KANK1: variants seen among roughly 807,000 people sequenced by gnomAD.
The protein encoded by KANK1 is KN motif and ankyrin repeat domain-containing protein 1.
A neutral mutation model predicts 106.2 loss-of-function variants in KANK1; 109 were observed. That is an observed-to-expected ratio of 1.03 (90% CI 0.88 to 1.20). The LOEUF (loss-of-function observed/expected upper bound fraction) is 1.20. KANK1 is among the 50% of genes most tolerant of loss of function. The pLI is 0.00. For missense variants in KANK1, 2,399 were observed against 1,710.7 expected (o/e 1.40, Z -7.10); for synonymous variants, 873 against 652.2 (o/e 1.34, Z -5.16).
At chr9:540,143 C>T (rs1413293383) in intron 1 of KANK1, among the ~76,000 whole-genome samples, 1 of 152,180 alleles carries the variant, frequency 6.6e-6, no homozygotes, top group African/African-American at 2.4e-5. Context: ...CAGCTTTTTA[C>T]CACTGAGTAT....
At chr9:518,436 C>T (rs2059393649) in intron 1 of KANK1, among the ~76,000 whole-genome samples, 1 of 150,508 alleles carries the variant, frequency 6.6e-6, no homozygotes, top group Non-Finnish European at 1.5e-5. Context: ...TTCTTCCTGG[C>T]TTTTTACCTA....
At chr9:633,390 G>A (rs140749044) in intron 1 of KANK1, among the ~76,000 whole-genome samples, 2 of 151,758 alleles carry the variant, frequency 1.3e-5, no homozygotes, top group Non-Finnish European at 1.5e-5. Flanking sequence ...CCCGGGAGGC[G>A]GAGGTTGCAG....
At chr9:720,295 G>T (rs1457468364) in intron 3 of KANK1, among the ~76,000 whole-genome samples, 1 of 152,210 alleles carries the variant, frequency 6.6e-6, no homozygotes, top group Non-Finnish European at 1.5e-5. Flanking sequence ...TGAGCATCTA[G>T]ACCAGAGTGC....
At chr9:670,727 G>GT (rs1845683800) in intron 1 of KANK1, among the ~76,000 whole-genome samples, 1 of 152,178 alleles carries the variant, frequency 6.6e-6, no homozygotes, top group Admixed American at 6.5e-5. Context: ...CCACAGGGTG[G>GT]TATCTCCCTT....
At chr9:707,288 C>G in intron 2 of KANK1, 1 of 956,522 alleles carries the variant, frequency 1.0e-6, no homozygotes, top group Non-Finnish European at 1.2e-6. Context: ...CACCGCTGGC[C>G]GAATTCCGGG....
intron 1 of KANK1, among the ~76,000 whole-genome samples, chr9:575,146 A>T (rs1820208812): frequency 6.6e-6 from 1 of 152,262 alleles, no homozygotes; most frequent in Admixed American, 6.5e-5. Flanking sequence ...CAATTAAAGC[A>T]GTGAACAATA....
chr9:535,691 G>A (rs2060266369), intron 1 of KANK1, among the ~76,000 whole-genome samples: 1 of 152,230 alleles, frequency 6.6e-6, no homozygotes, highest in African/African-American at 2.4e-5. Context: ...CTTGCTTGGT[G>A]CACAGTAGGC....
intron 2 of KANK1, among the ~76,000 whole-genome samples, chr9:701,739 A>G (rs1438357948): frequency 6.6e-6 from 1 of 152,210 alleles, no homozygotes; most frequent in Non-Finnish European, 1.5e-5. Flanking sequence ...CACTGCAAGC[A>G]GGTTAGTACT....
At chr9:670,946 G>T in intron 1 of KANK1, among the ~76,000 whole-genome samples, 1 of 124,062 alleles carries the variant, frequency 8.1e-6, no homozygotes, top group African/African-American at 3.1e-5. Flanking sequence ...ACTGTCTGCT[G>T]GAGTTTTTTT....
At chr9:555,713 G>T (rs1366311390) in intron 1 of KANK1, among the ~76,000 whole-genome samples, 4 of 152,152 alleles carry the variant, frequency 2.6e-5, no homozygotes, top group Non-Finnish European at 5.9e-5. Context: ...GATGTGTCCA[G>T]ACTTGTACTG....
intron 7 of KANK1, among the ~76,000 whole-genome samples, chr9:736,732 T>G (rs1833903401): frequency 6.6e-6 from 1 of 151,852 alleles, no homozygotes; most frequent in Non-Finnish European, 1.5e-5. Flanking sequence ...AGGGGAAACA[T>G]AGAACTACAT....
Position 476,246 on chromosome 9 carries a change from C to T in KANK1, c.-362+2973C>T, listed in dbSNP as rs563624612. On this transcript the variant is annotated intron_variant, in intron 3 of 15. Transcript: ENST00000382303. ...ACAAGATCCCAGGTGTTAGGCCGGGCGTGGTGGCTCACGCCTGTAATCCCA... is the reference window on the plus strand; with the variant it reads ...ACAAGATCCCAGGTGTTAGGCCGGGTGTGGTGGCTCACGCCTGTAATCCCA... Among the ~76,000 whole-genome samples the T allele has an allele frequency of 1.1e-4, 17 of 152,070 alleles. 1 individual carries two copies. In the South Asian group the frequency reaches 1.3e-3, roughly 11 times the overall value.
intron 1 of KANK1, among the ~76,000 whole-genome samples, chr9:551,688 GT>G (rs2061291918): frequency 6.6e-6 from 1 of 152,052 alleles, no homozygotes; most frequent in African/African-American, 2.4e-5. Context: ...ACAGCTTGCA[GT>G]TTAGTAGGGC....
At chr9:684,662 C>A in intron 2 of KANK1, 1 of 792,080 alleles carries the variant, frequency 1.3e-6, no homozygotes, top group Non-Finnish European at 1.5e-6. Context: ...AAAGGTATAG[C>A]TCATTTGCTT....
intron 1 of KANK1, among the ~76,000 whole-genome samples, chr9:606,798 C>T (rs988299271): frequency 1.3e-5 from 2 of 151,424 alleles, no homozygotes; most frequent in African/African-American, 4.9e-5. Context: ...ATGTTTTCAT[C>T]CTCTCATCAA....
At chr9:531,099 T>A (rs545577457) in intron 1 of KANK1, among the ~76,000 whole-genome samples, 27 of 152,228 alleles carry the variant, frequency 1.8e-4, no homozygotes, top group South Asian at 4.1e-4. Flanking sequence ...CTTTTTTTTT[T>A]AAATCCCTCC....
At chr9:486,288 A>T (rs1238191040) in intron 3 of KANK1, among the ~76,000 whole-genome samples, 1 of 152,144 alleles carries the variant, frequency 6.6e-6, no homozygotes, top group Non-Finnish European at 1.5e-5. Context: ...AGTCCGTGTA[A>T]CTCTGAATTT....
At chr9:727,190 C>T (rs1251329753) in intron 3 of KANK1, among the ~76,000 whole-genome samples, 2 of 152,158 alleles carry the variant, frequency 1.3e-5, no homozygotes, top group East Asian at 3.8e-4. Context: ...AAACAATAGC[C>T]TTCTGTGTCT....
chr9:511,464 C>T (rs905751733), intron 1 of KANK1, among the ~76,000 whole-genome samples: 1 of 152,106 alleles, frequency 6.6e-6, no homozygotes, highest in Non-Finnish European at 1.5e-5. Flanking sequence ...GTTACTAAAC[C>T]TCTCTGTGTG....
Sources: allele counts gnomAD v4.1 joint callset (sites outside exome capture counted in the v4.1 genomes callset), GRCh38; gene constraint gnomAD v4.1.1; transcripts MANE v1.5; gene names NCBI Gene and HGNC (gene_info 2026-07-23, HGNC 2026-07-21).